Variants in PTPRD observed in about 807,000 individuals in gnomAD.
The protein encoded by PTPRD is protein tyrosine phosphatase receptor type D.
PTPRD carries 34 observed loss-of-function variants against 214.5 expected under a neutral mutation model. That is an observed-to-expected ratio of 0.16 (90% confidence interval 0.12 to 0.21). The LOEUF is 0.21. PTPRD is among the 10% of genes least tolerant of loss of function. The pLI is 1.00. For missense variants in PTPRD, 2,545 were observed against 2,398.7 expected (o/e 1.06, Z -1.27); for synonymous variants, 1,128 against 845.7 (o/e 1.33, Z -5.79).
At chr9:9,569,593 G>A (rs768594584) in intron 8 of PTPRD, among the ~76,000 whole-genome samples, 4 of 151,152 alleles carry the variant, frequency 2.6e-5, no homozygotes, top group Admixed American at 6.6e-5. Flanking sequence ...AAGTCAAATC[G>A]ACAAAAGTCT....
At chr9:10,525,596 G>C (rs187949453) in intron 2 of PTPRD, among the ~76,000 whole-genome samples, 20 of 152,082 alleles carry the variant, frequency 1.3e-4, no homozygotes, top group African/African-American at 4.8e-4. Context: ...TCTTACTTCA[G>C]AGTCTTGAGG....
intron 11 of PTPRD, among the ~76,000 whole-genome samples, chr9:8,956,987 C>T (rs963935105): frequency 3.3e-5 from 5 of 151,772 alleles, no homozygotes; most frequent in African/African-American, 7.3e-5. Flanking sequence ...CATGTCCCTG[C>T]GTTAATGGCA....
intron 11 of PTPRD, among the ~76,000 whole-genome samples, chr9:8,981,029 A>G (rs1320242688): frequency 6.6e-6 from 1 of 152,074 alleles, no homozygotes; most frequent in African/African-American, 2.4e-5. Context: ...ATAATCTTTG[A>G]GCAGCATGCT....
intron 3 of PTPRD, among the ~76,000 whole-genome samples, chr9:10,314,910 G>C (rs190128432): frequency 6.6e-6 from 1 of 151,838 alleles, no homozygotes; most frequent in Admixed American, 6.6e-5. Context: ...TCTGGTATTT[G>C]AGTGCTTGGT....
intron 3 of PTPRD, among the ~76,000 whole-genome samples, chr9:10,336,827 G>A (rs2154440046): frequency 6.6e-6 from 1 of 151,792 alleles, no homozygotes; most frequent in South Asian, 2.1e-4. Flanking sequence ...AATACTACTA[G>A]AACTAGACTG....
chr9:10,257,767 T>A (rs1048342303), intron 3 of PTPRD, among the ~76,000 whole-genome samples: 4 of 152,138 alleles, frequency 2.6e-5, no homozygotes, highest in African/African-American at 9.7e-5. Flanking sequence ...AATCCTCCTC[T>A]GAAAATTTAA....
At chr9:10,284,778 A>G (rs1418906174) in intron 3 of PTPRD, among the ~76,000 whole-genome samples, 1 of 146,488 alleles carries the variant, frequency 6.8e-6, no homozygotes, top group African/African-American at 2.7e-5. Flanking sequence ...CAAGGCCAGG[A>G]GGAGAGAGAG....
At chr9:9,055,524 C>T (rs1227008918) in intron 10 of PTPRD, among the ~76,000 whole-genome samples, 1 of 151,996 alleles carries the variant, frequency 6.6e-6, no homozygotes, top group East Asian at 1.9e-4. Context: ...ATGGCCCAGC[C>T]AACTTGGCAC....
chr9:9,263,386 C>A (rs2099980980), intron 9 of PTPRD, among the ~76,000 whole-genome samples: 1 of 151,624 alleles, frequency 6.6e-6, no homozygotes, highest in Non-Finnish European at 1.5e-5. Flanking sequence ...CAGTTTAGTT[C>A]AACTGAATGA....
intron 10 of PTPRD, among the ~76,000 whole-genome samples, chr9:9,019,729 G>A (rs887257487): frequency 9.2e-5 from 14 of 152,132 alleles, no homozygotes; most frequent in Non-Finnish European, 1.8e-4. Flanking sequence ...CAACATGGAA[G>A]TTTATTATTA....
At chr9:9,823,534 G>T (rs1292167489) in intron 5 of PTPRD, among the ~76,000 whole-genome samples, 2 of 151,918 alleles carry the variant, frequency 1.3e-5, no homozygotes, top group East Asian at 1.9e-4. Context: ...TATACTATAT[G>T]ATATTATTCA....
At chr9:8,797,871 T>A (rs1168485511) in intron 11 of PTPRD, among the ~76,000 whole-genome samples, 1 of 105,204 alleles carries the variant, frequency 9.5e-6, no homozygotes, top group African/African-American at 4.7e-5. Context: ...TTAACAGAAT[T>A]TTTTTTTTTT....
At chr9:9,175,056 C>G (rs10217276) in intron 10 of PTPRD, among the ~76,000 whole-genome samples, 74,214 of 151,842 alleles carry the variant, frequency 0.49, 18,831 homozygotes, top group South Asian at 0.69. Flanking sequence ...ATCTATGAAC[C>G]AGGAAATGAT....
chr9:8,840,072 T>G (rs1030059302), intron 11 of PTPRD, among the ~76,000 whole-genome samples: 1 of 152,230 alleles, frequency 6.6e-6, no homozygotes, highest in African/African-American at 2.4e-5. Context: ...TATATTACTT[T>G]TATGGCTTTG....
intron 7 of PTPRD, among the ~76,000 whole-genome samples, chr9:9,669,579 A>T (rs907843879): frequency 6.6e-6 from 1 of 152,140 alleles, no homozygotes; most frequent in Non-Finnish European, 1.5e-5. Flanking sequence ...GATGTTTTTA[A>T]ACTTGTTAAA....
intron 8 of PTPRD, among the ~76,000 whole-genome samples, chr9:9,538,146 C>A (rs533730434): frequency 6.6e-6 from 1 of 151,760 alleles, no homozygotes; most frequent in Non-Finnish European, 1.5e-5. Context: ...CCTCATATTT[C>A]GCAGTGGTGT....
chr9:8,480,620 C>T (rs188493281), intron 30 of PTPRD, among the ~76,000 whole-genome samples: 2 of 152,118 alleles, frequency 1.3e-5, no homozygotes, highest in Middle Eastern at 3.4e-3. Flanking sequence ...AATACGTATC[C>T]CCAAACTCAT....
intron 9 of PTPRD, among the ~76,000 whole-genome samples, chr9:9,295,654 T>C (rs1164535234): frequency 2.0e-5 from 3 of 151,824 alleles, no homozygotes; most frequent in Non-Finnish European, 4.4e-5. Flanking sequence ...AAAGTAATTA[T>C]ATTTTATTGT....
At chr9:8,699,297 CA>C (rs1565376793) in intron 12 of PTPRD, among the ~76,000 whole-genome samples, 6 of 152,132 alleles carry the variant, frequency 3.9e-5, no homozygotes, top group Non-Finnish European at 7.4e-5. Context: ...CAGGGCCTTT[CA>C]ACATATCCCC....
Sources: allele counts gnomAD v4.1 joint callset (sites outside exome capture counted in the v4.1 genomes callset), GRCh38; gene constraint gnomAD v4.1.1; transcripts MANE v1.5; gene names NCBI Gene and HGNC (gene_info 2026-07-23, HGNC 2026-07-21).